The following DUOX1 variants were observed in gnomAD, a reference collection of about 807,000 sequenced individuals.
DUOX1 encodes the protein dual oxidase 1, also known as NADPH thyroid oxidase 1.
In DUOX1, 134 loss-of-function variants were observed where a neutral mutation model predicts 181.8. That is an observed-to-expected ratio of 0.74 (90% confidence interval 0.64 to 0.85). The LOEUF is 0.85. Among genes scored for constraint, DUOX1 ranks in the 40% least tolerant of loss-of-function variants. DUOX1 has a pLI of 0.00. For missense variants in DUOX1, 1,814 were observed against 2,064.4 expected (o/e 0.88, Z 2.35); for synonymous variants, 798 against 832.5 (o/e 0.96, Z 0.71).
intron 9 of DUOX1, 22 bp downstream of exon 9, chr15:45,136,647 G>A (rs758967890): frequency 1.2e-6 from 2 of 1,612,074 alleles, no homozygotes; most frequent in Non-Finnish European, 1.7e-6. Context: ...GCTCAAAGGT[G>A]TGTGTGCTGG....
In DUOX1 at chr15:45,153,493, AATGTGT is replaced by A. The variant is rs1465437123; in HGVS notation, c.3524+15_3524+20del. On this transcript the variant is annotated intron_variant, in intron 26 of 33. Coordinates refer to ENST00000389037, the MANE Select transcript of DUOX1 (RefSeq NM_175940.3). ...CCATGATGATGGGTGAGTAAGTGCG[AATGTGT>A]GTGTGTGTGTGTGTGTGTGTGTGTG... is the stretch of plus-strand genomic sequence containing the variant. 17 of 1,193,378 alleles carry A rather than the reference AATGTGT, an allele frequency of 1.4e-5. 1 individual carries two copies. Among genetic ancestry groups the A allele is most frequent in the African/African-American group, 1.0e-4 (6 of 57,896 alleles). The allele number at this position is 1,193,378 out of a possible 1,614,324, so 73.9% of individuals were successfully genotyped here.
chr15:45,144,005 A>AG (rs1280759998), intron 16 of DUOX1, 31 bp from the exon 17 acceptor site: 1 of 1,611,668 alleles, frequency 6.2e-7, no homozygotes, highest in African/African-American at 1.3e-5. Context: ...GATGGGTCCC[A>AG]GCTGACGAAG....
Position 45,142,041 on chromosome 15 carries a change from T to C in DUOX1, c.1751T>C (p.Val584Ala). The change falls in exon 15 of 34, where the codon GTT becomes GCT. Residue 584 changes from valine to alanine, a missense_variant. Around this residue, in one of 5 missense-constraint regions of DUOX1, gnomAD observed 1,064 missense variants for 1,152.9 expected, o/e 0.92. Transcript: ENST00000389037. ...EGLPACAPSV[V>A]RDYFEGSGFG... ...CTGCCAGCGTGTGCTCCCTCTGTTG[T>C]TCGTGACTATTTTGAGGGCAGTGGA... is the stretch of plus-strand genomic sequence containing the variant. The C allele has an allele frequency of 1.2e-6, 2 of 1,613,996 alleles. No individual in the cohort carries two copies.
At chr15:45,130,214 A>G (rs531091379) in intron 1 of DUOX1, 116 bp downstream of exon 1, 1 of 152,324 alleles carries the variant, frequency 6.6e-6, no homozygotes, top group East Asian at 1.9e-4. Flanking sequence ...AGAAAGGGGA[A>G]TGCTAGCCCC....
At position 45,141,372 on chromosome 15, in the gene DUOX1, C is replaced by T. The variant is rs775453704; in HGVS notation, c.1646C>T (p.Pro549Leu). ...DVLVAVINIDPSALQPNVFVW... is the reference protein window; with the variant it reads ...DVLVAVINIDLSALQPNVFVW... ...CTGGTCGCTGTTATCAACATTGACC[C>T]CAGTGCTCTGCAGCCCAATGTCTTT... The change falls in exon 14 of 34, where the codon CCC becomes CTC. Residue 549 changes from proline to leucine, a missense_variant. Physicochemically the swap from Pro to Leu is moderately conservative, Grantham distance 98. Around this residue, in one of 5 missense-constraint regions of DUOX1, gnomAD observed 1,064 missense variants for 1,152.9 expected, o/e 0.92. Coordinates refer to ENST00000389037, the MANE Select transcript of DUOX1 (RefSeq NM_175940.3). The T allele has an allele frequency of 1.9e-6, 3 of 1,614,244 alleles. No individual in the cohort carries two copies. Among genetic ancestry groups the T allele is most frequent in the South Asian group, 1.1e-5 (1 of 91,086 alleles).
intron 12 of DUOX1, chr15:45,139,941 C>T: frequency 2.9e-6 from 2 of 698,976 alleles, no homozygotes; most frequent in South Asian, 2.8e-5. Flanking sequence ...CTTTCTTGCA[C>T]CGATGTTTAA....
intron 25 of DUOX1, 94 bp from the exon 26 acceptor site, chr15:45,153,284 ACC>A: frequency 1.3e-6 from 1 of 760,342 alleles, no homozygotes; most frequent in Non-Finnish European, 2.3e-6. Flanking sequence ...CTTCTCTGGG[ACC>A]CCCACTCTGG....
At chr15:45,137,696 A>T (rs887018625) in intron 9 of DUOX1, among the ~76,000 whole-genome samples, 2 of 151,996 alleles carry the variant, frequency 1.3e-5, no homozygotes, top group Admixed American at 1.3e-4. Flanking sequence ...TCAGAGAGAG[A>T]GTGTGTGTGT....
At chr15:45,153,040 G>A (rs1896856131) in intron 25 of DUOX1, 1 of 305,462 alleles carries the variant, frequency 3.3e-6, no homozygotes, top group Non-Finnish European at 6.2e-6. Context: ...GGCCAACATG[G>A]TGAAACCCCG....
chr15:45,148,010 G>A lies in DUOX1; in HGVS notation c.2642+13G>A. The stretch of plus-strand genomic sequence containing the variant: ...TCAGGATGCTGAGGTTTGTTCTCTG[G>A]GACAGCCAGGAGAATGGGCCAGGGC... On this transcript the variant is annotated intron_variant, in intron 20 of 33. Transcript: ENST00000389037. The A allele has an allele frequency of 6.2e-7, 1 of 1,608,260 alleles. No individual in the cohort carries two copies. Among genetic ancestry groups the A allele is most frequent in the Non-Finnish European group, 8.5e-7 (1 of 1,174,720 alleles).
At chr15:45,138,097 T>TGTGTGTGTGTGTGA in intron 10 of DUOX1, 83 bp downstream of exon 10, 1 of 1,063,668 alleles carries the variant, frequency 9.4e-7, no homozygotes, top group Non-Finnish European at 1.3e-6. Context: ...TGTGTGTGTG[T>TGTGTGTGTGTGTGA]GTGTGTGTGA....
rs753428582 is a variant in DUOX1 at position 45,134,130 on chromosome 15, C to A, written c.143-15C>A. 1 of 1,546,808 alleles carries A rather than the reference C, an allele frequency of 6.5e-7. No homozygotes were observed. The highest frequency in any genetic ancestry group is 2.3e-5 in the East Asian group (1 of 43,894). ...CCCTGAAGATTCATCCTTATCCTTA[C>A]CCCTCCTACCCCAGGCTCCCGGCTG... is the stretch of plus-strand genomic sequence containing the variant. On this transcript the variant is annotated splice_polypyrimidine_tract_variant and intron_variant, in intron 3 of 33. Coordinates refer to ENST00000389037, the MANE Select transcript of DUOX1 (RefSeq NM_175940.3).
intron 26 of DUOX1, 138 bp downstream of exon 26, chr15:45,153,617 T>TCACTGTCTGTCCTGTAACC: frequency 1.0e-6 from 1 of 966,694 alleles, no homozygotes; most frequent in Non-Finnish European, 1.6e-6. Context: ...ACCTTCTAGG[T>TCACTGTCTGTCCTGTAACC]TACAGGACAG....
At position 45,152,185 on chromosome 15, in the gene DUOX1, G is replaced by C. The variant is rs577010731; in HGVS notation, c.3194-101G>C. On this transcript the variant is annotated intron_variant, in intron 24 of 33. Transcript: ENST00000389037. ...CTGTCTGAGTGAAGACTGTGCGGGG[G>C]AGGCCTGTTGTGAGTGGCAGCCGGC... 9.0e-4 allele frequency: 1,326 copies of C among 1,466,348 alleles called. 4 individuals carry two copies. Among genetic ancestry groups the C allele is most frequent in the Middle Eastern group, 6.4e-3 (36 of 5,662 alleles). 90.8% of individuals were successfully genotyped at this position (1,466,348 alleles called of 1,614,324 possible).
chr15:45,146,336 G>A (rs1896653775), intron 18 of DUOX1, among the ~76,000 whole-genome samples: 1 of 152,162 alleles, frequency 6.6e-6, no homozygotes, highest in East Asian at 1.9e-4. Flanking sequence ...CAAACAAGTT[G>A]AACTTGAATA....
chr15:45,148,531 A>C (rs755083802), intron 21 of DUOX1, 84 bp downstream of exon 21: 66 of 1,428,442 alleles, frequency 4.6e-5, no homozygotes, highest in Non-Finnish European at 5.5e-5. Flanking sequence ...GTCCACAGAA[A>C]TGTTTTAATT....
intron 18 of DUOX1, among the ~76,000 whole-genome samples, chr15:45,146,469 G>C (rs564738757): frequency 3.3e-5 from 5 of 152,286 alleles, no homozygotes; most frequent in South Asian, 4.2e-4. Flanking sequence ...AGACACGAAG[G>C]GTGCTGATAT....
At position 45,153,429 on chromosome 15, in the gene DUOX1, C is replaced by G. The variant is rs769924741; in HGVS notation, c.3474C>G (p.Ser1158Arg). ...HVVNVYLFSI[S>R]PLSVLSCLFP... ...TGAATGTGTACCTGTTCTCCATCAGCCCCCTCAGCGTCCTCTCTTGCCTCT... is the reference window on the plus strand; with the variant it reads ...TGAATGTGTACCTGTTCTCCATCAGGCCCCTCAGCGTCCTCTCTTGCCTCT... Residue 1158 changes from serine to arginine, a missense_variant, in exon 26 of 34, where the codon AGC becomes AGG. Transcript: ENST00000389037. The G allele has an allele frequency of 1.9e-6, 3 of 1,613,694 alleles. No individual in the cohort carries two copies. In the African/African-American group the frequency reaches 4.0e-5, roughly 22 times the overall value.
Position 45,134,299 on chromosome 15 carries a change from G to A in DUOX1, c.297G>A (p.Gly99=). The change falls in exon 4 of 34, where the codon GGG becomes GGA. Residue 99 remains glycine (G), a synonymous_variant. Coordinates refer to ENST00000389037, the MANE Select transcript of DUOX1 (RefSeq NM_175940.3). Reference sequence around the variant, plus strand: ...CCCTGAGAAACCGCACAGTGTTGGGGGTCTTCTTTGGTGAGAACTTCAACC... The same window carrying A: ...CCCTGAGAAACCGCACAGTGTTGGGAGTCTTCTTTGGTGAGAACTTCAACC... ...LASLRNRTVL[G]VFFGYHVLSD... 1 of 1,597,144 alleles carries A rather than the reference G, an allele frequency of 6.3e-7. No homozygotes were observed. Among genetic ancestry groups the A allele is most frequent in the Non-Finnish European group, 8.5e-7 (1 of 1,173,838 alleles).
Sources: gnomAD v4.1 joint callset for allele counts (sites outside exome capture counted in the v4.1 genomes callset) on GRCh38, gnomAD v4.1.1 for gene constraint, gnomAD v4.1.1 regional missense constraint, MANE v1.5 for transcripts, NCBI Gene and HGNC (gene_info 2026-07-23, HGNC 2026-07-21) for gene names.